The following GTF2F2 variants were observed in gnomAD, a reference collection of about 807,000 sequenced individuals.
The protein encoded by GTF2F2 is general transcription factor IIF subunit 2.
Under a neutral mutation model 42.2 loss-of-function variants are expected in GTF2F2, and 23 were observed. The observed-to-expected ratio is 0.55, with a 90% CI of 0.39 to 0.77. GTF2F2 has a LOEUF of 0.77. Ranked by LOEUF, GTF2F2 falls within the 30% of genes least tolerant of loss-of-function variation. The probability of loss-of-function intolerance (pLI) is 0.00; values close to 1 mark genes in which losing one functional copy is unlikely to be tolerated. For synonymous variants in GTF2F2, 105 were observed against 100.8 expected (o/e 1.04, Z -0.25); for missense variants, 261 against 287.2 (o/e 0.91, Z 0.66).
intron 6 of GTF2F2, among the ~76,000 whole-genome samples, chr13:45,258,041 C>T (rs2138253631): frequency 6.6e-6 from 1 of 152,202 alleles, no homozygotes; most frequent in South Asian, 2.1e-4. Context: ...AAAAACTGAA[C>T]TTCTCTTGCT....
chr13:45,179,285 C>T (rs191762548), intron 4 of GTF2F2, among the ~76,000 whole-genome samples: 1 of 152,204 alleles, frequency 6.6e-6, no homozygotes, highest in Non-Finnish European at 1.5e-5. Context: ...AAACCATGCT[C>T]AAGGCTTGAG....
At chr13:45,133,060 G>C (rs1273467855) in intron 1 of GTF2F2, among the ~76,000 whole-genome samples, 1 of 152,098 alleles carries the variant, frequency 6.6e-6, no homozygotes, top group Non-Finnish European at 1.5e-5. Context: ...TAAAACCACA[G>C]ATAAATTATA....
At position 45,207,704 on chromosome 13, in the gene GTF2F2, A is replaced by G. The variant is rs192422086; in HGVS notation, c.386+199A>G. Among the ~76,000 whole-genome samples, 20 of 152,320 alleles carry G rather than the reference A, an allele frequency of 1.3e-4. No individual in the cohort carries two copies. The East Asian group carries it at 3.7e-3, about 28-fold the overall frequency. On this transcript the variant is annotated intron_variant, in intron 5 of 7. Coordinates refer to ENST00000340473, the MANE Select transcript of GTF2F2 (RefSeq NM_004128.3). ...AGTATCTGGGCTGTTTATTTGAGGT[A>G]TTTTAAGCTACTTTGTTAATACATC...
chr13:45,227,907 A>T (rs1446245181), intron 5 of GTF2F2, among the ~76,000 whole-genome samples: 1 of 152,196 alleles, frequency 6.6e-6, no homozygotes, highest in East Asian at 1.9e-4. Context: ...CCAAGGGATG[A>T]GTTTGCCATA....
intron 5 of GTF2F2, among the ~76,000 whole-genome samples, chr13:45,236,683 C>A (rs957348828): frequency 9.2e-5 from 14 of 152,150 alleles, no homozygotes; most frequent in African/African-American, 2.7e-4. Context: ...ATGAAATAAT[C>A]TAGAGCTGTA....
intron 4 of GTF2F2, among the ~76,000 whole-genome samples, chr13:45,155,302 A>T (rs1870700073): frequency 6.6e-6 from 1 of 152,152 alleles, no homozygotes; most frequent in Non-Finnish European, 1.5e-5. Context: ...ATTATCTGGG[A>T]TATTTCTACA....
At chr13:45,140,923 G>A (rs1256223563) in intron 2 of GTF2F2, among the ~76,000 whole-genome samples, 2 of 152,190 alleles carry the variant, frequency 1.3e-5, no homozygotes, top group African/African-American at 4.8e-5. Context: ...AGTCCTGAAT[G>A]GCTGTTGATA....
At chr13:45,156,962 T>A (rs1870787517) in intron 4 of GTF2F2, among the ~76,000 whole-genome samples, 1 of 152,208 alleles carries the variant, frequency 6.6e-6, no homozygotes, top group African/African-American at 2.4e-5. Flanking sequence ...GCTTACATTT[T>A]ACTAAGAGGA....
chr13:45,249,745 T>C (rs1380059681), intron 5 of GTF2F2, among the ~76,000 whole-genome samples: 2 of 152,240 alleles, frequency 1.3e-5, no homozygotes, highest in East Asian at 3.9e-4. Flanking sequence ...ACAGGGAAGA[T>C]AATTTAGCGG....
At chr13:45,121,432 G>C (rs1868627466) in intron 1 of GTF2F2, among the ~76,000 whole-genome samples, 1 of 151,948 alleles carries the variant, frequency 6.6e-6, no homozygotes, top group Non-Finnish European at 1.5e-5. Flanking sequence ...CCTGAAAGTC[G>C]TTGAAACTTA....
At chr13:45,263,906 G>T in intron 6 of GTF2F2, 1 of 193,050 alleles carries the variant, frequency 5.2e-6, no homozygotes, top group South Asian at 1.2e-4. Context: ...GTATCTTTCA[G>T]AGTGCAAAGT....
chr13:45,213,871 C>A (rs991542453), intron 5 of GTF2F2, among the ~76,000 whole-genome samples: 1 of 152,100 alleles, frequency 6.6e-6, no homozygotes, highest in Non-Finnish European at 1.5e-5. Flanking sequence ...GCACGTGTCT[C>A]TTGCTTTGAG....
intron 4 of GTF2F2, among the ~76,000 whole-genome samples, chr13:45,159,941 CT>C (rs1870954516): frequency 6.6e-6 from 1 of 152,130 alleles, no homozygotes; most frequent in Non-Finnish European, 1.5e-5. Context: ...TTTCATTGAA[CT>C]TTTTTTCTTG....
chr13:45,237,386 A>C (rs1032449994), intron 5 of GTF2F2, among the ~76,000 whole-genome samples: 3 of 152,220 alleles, frequency 2.0e-5, no homozygotes, highest in Non-Finnish European at 2.9e-5. Context: ...CTTGATTCTA[A>C]AATCCAATAT....
intron 5 of GTF2F2, among the ~76,000 whole-genome samples, chr13:45,230,944 T>A (rs1424354663): frequency 1.3e-5 from 2 of 152,066 alleles, no homozygotes; most frequent in Non-Finnish European, 2.9e-5. Flanking sequence ...CAGCTTTTGT[T>A]TTTTATAAGA....
In GTF2F2 at chr13:45,228,283, C is replaced by CT. The variant is rs372901327; in HGVS notation, c.386+20794dup. Among the ~76,000 whole-genome samples, 664 of 92,676 alleles carry CT rather than the reference C, an allele frequency of 7.2e-3. 42 individuals carry two copies. Among genetic ancestry groups the CT allele is most frequent in the African/African-American group, 0.016 (289 of 17,644 alleles). The allele number at this position is 92,676 out of a possible 152,430, so 60.8% of individuals were successfully genotyped here. ...TTTCCTTATTGCTGCCAGAGTTAAT[C>CT]TTTTTTTTTTTTTTTTGGAGACGGA... On this transcript the variant is annotated intron_variant, in intron 5 of 7. Transcript: ENST00000340473.
chr13:45,213,762 A>C (rs927769378), intron 5 of GTF2F2, among the ~76,000 whole-genome samples: 29 of 152,066 alleles, frequency 1.9e-4, no homozygotes, highest in African/African-American at 6.5e-4. Context: ...AATCATCAGC[A>C]TTCAGCTTCT....
At chr13:45,268,616 GAATA>G (rs956035761) in intron 7 of GTF2F2, among the ~76,000 whole-genome samples, 4 of 151,900 alleles carry the variant, frequency 2.6e-5, no homozygotes, top group Non-Finnish European at 5.9e-5. Context: ...TTTTGAAATA[GAATA>G]AATAACTCAT....
rs555560071 is a variant in GTF2F2, at chr13:45,178,006, A to G, written c.304+26175A>G. Among the ~76,000 whole-genome samples the G allele has an allele frequency of 2.6e-5, 4 of 152,244 alleles. No homozygotes were observed. The South Asian group carries it at 6.2e-4, about 24-fold the overall frequency. On this transcript the variant is annotated intron_variant, in intron 4 of 7. Transcript: ENST00000340473. The stretch of plus-strand genomic sequence containing the variant: ...TTTGATTTTAATGTGATATGTCTAC[A>G]TGTGGGTTTCTCTTTAAGCAGCCTG...
Sources: allele counts gnomAD v4.1 joint callset (sites outside exome capture counted in the v4.1 genomes callset), GRCh38; gene constraint gnomAD v4.1.1; transcripts MANE v1.5; gene names NCBI Gene and HGNC (gene_info 2026-07-23, HGNC 2026-07-21).